GABBR2: variants seen among roughly 807,000 people sequenced by gnomAD.
The protein encoded by GABBR2 is gamma-aminobutyric acid type B receptor subunit 2.
In GABBR2, 23 loss-of-function variants were observed where a neutral mutation model predicts 105.6. The observed-to-expected ratio is 0.22, with a 90% confidence interval of 0.16 to 0.31. The LOEUF (loss-of-function observed/expected upper bound fraction) is 0.31, where lower values mean the gene tolerates loss of function less well. GABBR2 is among the 10% of genes least tolerant of loss of function. The pLI is 1.00. For synonymous variants in GABBR2, 478 were observed against 499.7 expected (o/e 0.96, Z 0.58); for missense variants, 734 against 1,245.5 (o/e 0.59, Z 6.18).
intron 7 of GABBR2, among the ~76,000 whole-genome samples, chr9:98,453,692 C>T (rs1017560211): frequency 1.3e-5 from 2 of 152,208 alleles, no homozygotes; most frequent in Admixed American, 6.5e-5. Context: ...AAGGATAGAA[C>T]GCTTTTCAAC....
At chr9:98,312,288 A>G (rs375184725) in intron 13 of GABBR2, among the ~76,000 whole-genome samples, 2 of 152,338 alleles carry the variant, frequency 1.3e-5, no homozygotes, top group African/African-American at 4.8e-5. Flanking sequence ...ATCTCAAACA[A>G]TTCTTCAGCC....
chr9:98,444,773 C>T lies in GABBR2; in HGVS notation c.1236+9208G>A, dbSNP rs183810995. ...CCCAGAGAGTTGCTTATGGGAGAAA[C>T]GAGAGATTGAGAGGGGAGTAAGGGA... On this transcript the variant is annotated intron_variant, in intron 7 of 18. Transcript: ENST00000259455. 1.1e-4 allele frequency among the ~76,000 whole-genome samples: 17 copies of T among 152,224 alleles called. No homozygotes were observed. In the East Asian group the frequency reaches 2.1e-3, roughly 19 times the overall value.
chr9:98,366,836 C>A (rs547371045), intron 12 of GABBR2, among the ~76,000 whole-genome samples: 63 of 152,312 alleles, frequency 4.1e-4, no homozygotes, highest in African/African-American at 1.5e-3. Context: ...TTGTCTACAA[C>A]AGAACCCAGT....
intron 3 of GABBR2, among the ~76,000 whole-genome samples, chr9:98,502,128 A>G (rs1266227369): frequency 6.6e-6 from 1 of 152,176 alleles, no homozygotes; most frequent in Admixed American, 6.5e-5. Context: ...TGCAAGACAT[A>G]GGGGGAGAAG....
chr9:98,640,816 A>C (rs1480774529), intron 1 of GABBR2, among the ~76,000 whole-genome samples: 3 of 152,148 alleles, frequency 2.0e-5, no homozygotes, highest in Admixed American at 1.3e-4. Flanking sequence ...AGAGATTCTG[A>C]GACAGGGCAG....
chr9:98,478,494 G>A (rs766916422), intron 5 of GABBR2, among the ~76,000 whole-genome samples: 4 of 152,126 alleles, frequency 2.6e-5, no homozygotes, highest in African/African-American at 7.2e-5. Flanking sequence ...GAAACTCCTC[G>A]GAATGGGGCA....
intron 13 of GABBR2, among the ~76,000 whole-genome samples, chr9:98,353,589 A>G (rs1293490202): frequency 6.6e-6 from 1 of 152,232 alleles, no homozygotes; most frequent in African/African-American, 2.4e-5. Context: ...ATAAGACTTG[A>G]AAGTCAAAAT....
intron 8 of GABBR2, among the ~76,000 whole-genome samples, chr9:98,397,573 T>C (rs771498475): frequency 6.6e-6 from 1 of 152,222 alleles, no homozygotes; most frequent in Non-Finnish European, 1.5e-5. Flanking sequence ...TTATTCATGA[T>C]GAAAGTAACT....
chr9:98,701,919 C>G (rs529457573), intron 1 of GABBR2, among the ~76,000 whole-genome samples: 2 of 152,084 alleles, frequency 1.3e-5, no homozygotes, highest in East Asian at 3.9e-4. Context: ...CCAGATTGTA[C>G]GGAAATAATA....
At chr9:98,616,089 G>A (rs997074940) in intron 1 of GABBR2, among the ~76,000 whole-genome samples, 1 of 152,218 alleles carries the variant, frequency 6.6e-6, no homozygotes, top group Non-Finnish European at 1.5e-5. Flanking sequence ...CTGAGATTCA[G>A]AGAGGTTAAA....
At chr9:98,345,434 A>T (rs1451217694) in intron 13 of GABBR2, among the ~76,000 whole-genome samples, 2 of 152,242 alleles carry the variant, frequency 1.3e-5, no homozygotes, top group African/African-American at 4.8e-5. Flanking sequence ...TTGGCCATCA[A>T]AACTATTCAA....
At chr9:98,512,722 A>C (rs1205259616) in intron 3 of GABBR2, among the ~76,000 whole-genome samples, 3 of 152,130 alleles carry the variant, frequency 2.0e-5, no homozygotes, top group African/African-American at 4.8e-5. Flanking sequence ...CTCTTCAAGG[A>C]GAACTACAAA....
At chr9:98,542,190 G>A in intron 2 of GABBR2, 147 bp from the exon 3 acceptor site, 1 of 647,372 alleles carries the variant, frequency 1.5e-6, no homozygotes, top group Non-Finnish European at 2.5e-6. Context: ...TTTATTGTAA[G>A]AGTAACATAT....
chr9:98,449,578 A>C (rs964784923), intron 7 of GABBR2, among the ~76,000 whole-genome samples: 1 of 152,124 alleles, frequency 6.6e-6, no homozygotes, highest in African/African-American at 2.4e-5. Context: ...GGGCCAGGGA[A>C]CCTGCATTTT....
At chr9:98,546,013 A>G (rs1475356631) in intron 2 of GABBR2, among the ~76,000 whole-genome samples, 1 of 152,236 alleles carries the variant, frequency 6.6e-6, no homozygotes, top group Non-Finnish European at 1.5e-5. Context: ...CCAAGGATTT[A>G]TTTCGGAGAG....
intron 4 of GABBR2, among the ~76,000 whole-genome samples, chr9:98,490,254 TA>T (rs143353801): frequency 0.035 from 5,207 of 149,760 alleles, 281 homozygotes; most frequent in African/African-American, 0.12. Flanking sequence ...TTTACTACAA[TA>T]AAAAAAAAGG....
intron 13 of GABBR2, among the ~76,000 whole-genome samples, chr9:98,357,692 A>AAC (rs542307951): frequency 1.3e-5 from 2 of 151,676 alleles, no homozygotes; most frequent in African/African-American, 2.4e-5. Flanking sequence ...AAAAAAAAAA[A>AAC]CCCCACATCA....
chr9:98,706,376 C>G (rs1019678072), intron 1 of GABBR2, among the ~76,000 whole-genome samples: 2 of 152,192 alleles, frequency 1.3e-5, no homozygotes, highest in Non-Finnish European at 2.9e-5. Context: ...CCCACCTACC[C>G]CAAAGCCCTG....
intron 1 of GABBR2, among the ~76,000 whole-genome samples, chr9:98,588,054 A>G (rs1447909483): frequency 1.3e-5 from 2 of 152,226 alleles, no homozygotes; most frequent in Admixed American, 1.3e-4. Flanking sequence ...CTTAAATAAA[A>G]AAAATACAGA....
Sources: gnomAD v4.1 joint callset for allele counts (sites outside exome capture counted in the v4.1 genomes callset) on GRCh38, gnomAD v4.1.1 for gene constraint, MANE v1.5 for transcripts, NCBI Gene and HGNC (gene_info 2026-07-23, HGNC 2026-07-21) for gene names.